Variants in PDE3B observed in about 807,000 individuals in gnomAD.
The protein encoded by PDE3B is phosphodiesterase 3B.
PDE3B carries 66 observed loss-of-function variants against 116.8 expected under a neutral mutation model. The ratio of observed to expected loss-of-function variants is 0.56; its 90% confidence interval spans 0.46 to 0.69. PDE3B has a LOEUF of 0.69. Among genes scored for constraint, PDE3B ranks in the 30% least tolerant of loss-of-function variants. PDE3B has a pLI of 0.00. For synonymous variants in PDE3B, 595 were observed against 533.6 expected (o/e 1.12, Z -1.59); for missense variants, 1,384 against 1,368.1 (o/e 1.01, Z -0.18).
intron 1 of PDE3B, among the ~76,000 whole-genome samples, chr11:14,766,174 G>C (rs1455757438): frequency 1.3e-5 from 2 of 151,576 alleles, no homozygotes; most frequent in African/African-American, 4.8e-5. Context: ...CAATATTAAA[G>C]GTATCTCTGT....
the PDE3B span, chr11:14,892,086 G>A: frequency 1.2e-6 from 2 of 1,611,832 alleles, no homozygotes; most frequent in Non-Finnish European, 1.7e-6. Flanking sequence ...GCGGCCCCGG[G>A]GGGAAGCCCA....
intron 11 of PDE3B, among the ~76,000 whole-genome samples, chr11:14,843,006 C>T (rs1345392499): frequency 6.6e-6 from 1 of 152,082 alleles, no homozygotes; most frequent in Admixed American, 6.5e-5. Flanking sequence ...AAACTTTGTA[C>T]CTAATATCTG....
chr11:14,725,986 C>T (rs560984792), intron 1 of PDE3B, among the ~76,000 whole-genome samples: 2 of 152,248 alleles, frequency 1.3e-5, no homozygotes, highest in South Asian at 4.2e-4. Context: ...TTGGAATGCT[C>T]TTTCCCTCTA....
chr11:14,666,653 CA>C (rs1280509327), intron 1 of PDE3B, among the ~76,000 whole-genome samples: 1 of 151,678 alleles, frequency 6.6e-6, no homozygotes, highest in Non-Finnish European at 1.5e-5. Flanking sequence ...CAAAAGAAGA[CA>C]TTTATGCAGC....
intron 4 of PDE3B, among the ~76,000 whole-genome samples, chr11:14,793,442 TG>T (rs1858452964): frequency 6.6e-6 from 1 of 152,200 alleles, no homozygotes; most frequent in African/African-American, 2.4e-5. Context: ...CCATCTCATG[TG>T]GTCAAGTGTG....
intron 1 of PDE3B, among the ~76,000 whole-genome samples, chr11:14,748,447 C>T (rs1388266203): frequency 6.6e-6 from 1 of 152,068 alleles, no homozygotes; most frequent in African/African-American, 2.4e-5. Flanking sequence ...TCATAATATT[C>T]TTTGAATTTT....
chr11:14,866,507 C>G (rs1028289349), intron 14 of PDE3B, among the ~76,000 whole-genome samples: 2 of 152,166 alleles, frequency 1.3e-5, no homozygotes, highest in Non-Finnish European at 2.9e-5. Context: ...TGTGAAATTA[C>G]AGAGTCCTAT....
chr11:14,696,084 G>A (rs1276385177), intron 1 of PDE3B, among the ~76,000 whole-genome samples: 2 of 152,062 alleles, frequency 1.3e-5, no homozygotes, highest in Admixed American at 6.6e-5. Flanking sequence ...GAATTGCCAC[G>A]CTGTCTTCCA....
chr11:14,707,194 T>C (rs919828923), intron 1 of PDE3B, among the ~76,000 whole-genome samples: 7 of 151,968 alleles, frequency 4.6e-5, no homozygotes, highest in African/African-American at 1.7e-4. Flanking sequence ...AAAGCCTTTG[T>C]GAGATGACAT....
intron 4 of PDE3B, among the ~76,000 whole-genome samples, chr11:14,798,508 A>G (rs1366479958): frequency 4.6e-5 from 7 of 152,178 alleles, no homozygotes; most frequent in African/African-American, 1.7e-4. Flanking sequence ...AACGAATGGT[A>G]CTAGCTCCTC....
In PDE3B at chr11:14,817,210, C is replaced by T. The variant is rs980235448; in HGVS notation, c.1523-973C>T. Among the ~76,000 whole-genome samples, 4 of 151,938 alleles carry T rather than the reference C, an allele frequency of 2.6e-5. No individual in the cohort carries two copies. The East Asian group carries it at 7.7e-4, about 29-fold the overall frequency. On this transcript the variant is annotated intron_variant, in intron 5 of 15. Transcript: ENST00000282096. ...GGACAGAAAACCAAACACCATATGTCCTCACTCATAGGTGGGAATGAACAA... is the reference window on the plus strand; with the variant it reads ...GGACAGAAAACCAAACACCATATGTTCTCACTCATAGGTGGGAATGAACAA...
intron 1 of PDE3B, among the ~76,000 whole-genome samples, chr11:14,661,765 C>A (rs1853923730): frequency 6.6e-6 from 1 of 152,192 alleles, no homozygotes; most frequent in South Asian, 2.1e-4. Context: ...GGGGCGCCTG[C>A]CATTTCCGAG....
intron 1 of PDE3B, among the ~76,000 whole-genome samples, chr11:14,744,005 C>T (rs11023324): frequency 0.016 from 2,368 of 152,288 alleles, 27 homozygotes; most frequent in Non-Finnish European, 0.027. Flanking sequence ...TGTTGCTATT[C>T]GACCATCTTG....
chr11:14,675,664 A>G (rs556434505), intron 1 of PDE3B, among the ~76,000 whole-genome samples: 15 of 152,264 alleles, frequency 9.9e-5, no homozygotes, highest in African/African-American at 3.6e-4. Context: ...CTGTCCTGTA[A>G]TGCATTCATA....
chr11:14,691,064 G>A (rs1855029271), intron 1 of PDE3B, among the ~76,000 whole-genome samples: 1 of 152,102 alleles, frequency 6.6e-6, no homozygotes, highest in Admixed American at 6.6e-5. Flanking sequence ...GACGAGAGCA[G>A]GGAGGAAAAA....
In PDE3B at chr11:14,867,549, T is replaced by TG. The variant is rs35938275; in HGVS notation, c.2932dup (p.Asp978GlyfsTer24). On this transcript the variant is annotated frameshift_variant, in exon 15 of 16. Transcript: ENST00000282096. LOFTEE classifies it high-confidence loss of function. The stretch of plus-strand genomic sequence containing the variant: ...CTTGGTCTGCCCATCAGTCCATTCA[T>TG]GGATCGTTCTTCTCCTCAACTAGCA... The TG allele has an allele frequency of 6.2e-7, 1 of 1,614,026 alleles. No homozygotes were observed. Among genetic ancestry groups the TG allele is most frequent in the Non-Finnish European group, 8.5e-7 (1 of 1,179,892 alleles).
intron 1 of PDE3B, among the ~76,000 whole-genome samples, chr11:14,734,010 G>T (rs1313208385): frequency 6.6e-6 from 1 of 152,220 alleles, no homozygotes; most frequent in African/African-American, 2.4e-5. Flanking sequence ...AACAAATTAA[G>T]TGTAGTCGTG....
At chr11:14,705,268 A>G (rs1855494499) in intron 1 of PDE3B, among the ~76,000 whole-genome samples, 1 of 151,870 alleles carries the variant, frequency 6.6e-6, no homozygotes, top group African/African-American at 2.4e-5. Context: ...TATTCATTGC[A>G]GATGAATGGT....
intron 4 of PDE3B, among the ~76,000 whole-genome samples, chr11:14,801,941 G>A (rs1165161117): frequency 6.6e-6 from 1 of 152,190 alleles, no homozygotes; most frequent in Admixed American, 6.5e-5. Context: ...AGGGCAAAAC[G>A]CCTACTCAAG....
Sources: allele counts gnomAD v4.1 joint callset (sites outside exome capture counted in the v4.1 genomes callset), GRCh38; gene constraint gnomAD v4.1.1; transcripts MANE v1.5; gene names NCBI Gene and HGNC (gene_info 2026-07-23, HGNC 2026-07-21).